ATP6V1A: variants seen among roughly 807,000 people sequenced by gnomAD.
ATP6V1A encodes ATPase H+ transporting V1 subunit A.
In ATP6V1A, 18 loss-of-function variants were observed where a neutral mutation model predicts 70.1. The ratio of observed to expected loss-of-function variants is 0.26; its 90% CI spans 0.18 to 0.38. The LOEUF (loss-of-function observed/expected upper bound fraction) is 0.38, where lower values mean the gene tolerates loss of function less well. Among genes scored for constraint, ATP6V1A ranks in the 10% least tolerant of loss-of-function variants. The pLI is 1.00. For missense variants in ATP6V1A, 424 were observed against 772.4 expected (o/e 0.55, Z 5.35); for synonymous variants, 232 against 253.8 (o/e 0.91, Z 0.82).
intron 1 of ATP6V1A, among the ~76,000 whole-genome samples, chr3:113,763,224 A>G (rs1708726618): frequency 1.3e-5 from 2 of 152,078 alleles, no homozygotes; most frequent in African/African-American, 4.8e-5. Flanking sequence ...AGTAGCTGGG[A>G]CTACAGGCAC....
intron 8 of ATP6V1A, among the ~76,000 whole-genome samples, chr3:113,790,042 G>A (rs1475411495): frequency 5.3e-5 from 8 of 152,104 alleles, no homozygotes; most frequent in Non-Finnish European, 1.0e-4. Flanking sequence ...GGCCCAGGCC[G>A]GCAGATCACT....
At chr3:113,773,095 G>A (rs1352342187) in intron 1 of ATP6V1A, among the ~76,000 whole-genome samples, 3 of 151,758 alleles carry the variant, frequency 2.0e-5, no homozygotes, top group Admixed American at 6.6e-5. Flanking sequence ...GCGACACCAC[G>A]CCCGGCTAAT....
At chr3:113,783,055 A>G (rs140042392) in intron 3 of ATP6V1A, among the ~76,000 whole-genome samples, 3 of 152,192 alleles carry the variant, frequency 2.0e-5, no homozygotes, top group Non-Finnish European at 2.9e-5. Context: ...TGTTGTTCTG[A>G]AAATTTTCAT....
chr3:113,761,263 T>C (rs906389538), intron 1 of ATP6V1A, among the ~76,000 whole-genome samples: 5 of 152,154 alleles, frequency 3.3e-5, no homozygotes, highest in Middle Eastern at 6.8e-3. Context: ...ATAAGTGTAA[T>C]AGCATTTTTA....
chr3:113,753,460 G>A (rs1239569259), intron 1 of ATP6V1A, among the ~76,000 whole-genome samples: 2 of 152,132 alleles, frequency 1.3e-5, no homozygotes, highest in Non-Finnish European at 2.9e-5. Context: ...AGAAATAAAA[G>A]CACCAGTAAG....
rs577357060 is a variant in ATP6V1A, at chr3:113,774,675, A to G, written c.-13-4066A>G. On this transcript the variant is annotated intron_variant, in intron 1 of 14. Coordinates refer to ENST00000273398, the MANE Select transcript of ATP6V1A (RefSeq NM_001690.4). ...CTAAAAATACAAAAATTAGCTGGGC[A>G]TAGTGGCACACACTGTAGTCCCAGC... Among the ~76,000 whole-genome samples, 112 of 152,114 alleles carry G rather than the reference A, an allele frequency of 7.4e-4. 1 individual carries two copies. Among genetic ancestry groups the G allele is most frequent in the African/African-American group, 2.6e-3 (110 of 41,530 alleles).
intron 2 of ATP6V1A, 172 bp from the exon 3 acceptor site, chr3:113,780,878 T>A: frequency 7.7e-7 from 1 of 1,301,426 alleles, no homozygotes; most frequent in Non-Finnish European, 1.0e-6. Flanking sequence ...TATTATACAC[T>A]AAAATATATA....
Position 113,809,321 on chromosome 3 carries a change from A to G in ATP6V1A, c.1762-14A>G. 5 of 1,593,018 alleles carry G rather than the reference A, an allele frequency of 3.1e-6. No homozygotes were observed. Among genetic ancestry groups the G allele is most frequent in the African/African-American group, 1.4e-5 (1 of 73,892 alleles). On this transcript the variant is annotated splice_polypyrimidine_tract_variant and intron_variant, in intron 14 of 14. Coordinates refer to ENST00000273398, the MANE Select transcript of ATP6V1A (RefSeq NM_001690.4). ...TTTCCAAATGCGAGTTGAATTTGTA[A>G]TGTCTTCTTTCAGGATCCACTGAAA...
chr3:113,787,643 A>G (rs917589128), intron 6 of ATP6V1A, among the ~76,000 whole-genome samples: 6 of 152,232 alleles, frequency 3.9e-5, no homozygotes, highest in African/African-American at 1.4e-4. Context: ...CTCCCAGCAT[A>G]AAGGATGTAT....
intron 2 of ATP6V1A, among the ~76,000 whole-genome samples, chr3:113,780,334 G>A (rs1417137516): frequency 6.6e-6 from 1 of 152,108 alleles, no homozygotes; most frequent in African/African-American, 2.4e-5. Context: ...TAAAAATATG[G>A]CAACCTTCCT....
chr3:113,749,988 G>A (rs928794096), intron 1 of ATP6V1A, among the ~76,000 whole-genome samples: 1 of 152,138 alleles, frequency 6.6e-6, no homozygotes, highest in African/African-American at 2.4e-5. Flanking sequence ...TCAAAATATG[G>A]GAGAGAAGGG....
chr3:113,792,921 T>C (rs1421494189), intron 8 of ATP6V1A, among the ~76,000 whole-genome samples: 1 of 152,242 alleles, frequency 6.6e-6, no homozygotes, highest in Non-Finnish European at 1.5e-5. Context: ...CTGTTCAATC[T>C]GTATTTAACA....
chr3:113,779,011 C>A, intron 2 of ATP6V1A, 176 bp downstream of exon 2: 1 of 405,980 alleles, frequency 2.5e-6, no homozygotes. Flanking sequence ...AAGGGCTCAT[C>A]TAGCATTGAT....
chr3:113,784,213 G>A lies in ATP6V1A; in HGVS notation c.212-11G>A. 6.2e-7 allele frequency: 1 copy of A among 1,611,262 alleles called. No homozygotes were observed. Among genetic ancestry groups the A allele is most frequent in the Non-Finnish European group, 8.5e-7 (1 of 1,177,554 alleles). On this transcript the variant is annotated splice_polypyrimidine_tract_variant and intron_variant, in intron 3 of 14. Coordinates refer to ENST00000273398, the MANE Select transcript of ATP6V1A (RefSeq NM_001690.4). ...CCTTCATAGTAGGTTTTCCTTAGCT[G>A]CTGTTTTTAGCTGGTGTGTCTGTTG...
intron 1 of ATP6V1A, among the ~76,000 whole-genome samples, chr3:113,777,840 G>T (rs1708934140): frequency 6.6e-6 from 1 of 152,196 alleles, no homozygotes; most frequent in Admixed American, 6.5e-5. Context: ...AGGCCCTGAG[G>T]TAGAATGTGC....
intron 1 of ATP6V1A, among the ~76,000 whole-genome samples, chr3:113,767,886 C>T (rs979079502): frequency 1.3e-5 from 2 of 152,164 alleles, no homozygotes; most frequent in African/African-American, 4.8e-5. Context: ...CTCCTGATCT[C>T]GTGACCCACT....
intron 1 of ATP6V1A, among the ~76,000 whole-genome samples, chr3:113,767,922 A>T (rs1342654856): frequency 6.6e-6 from 1 of 152,176 alleles, no homozygotes; most frequent in African/African-American, 2.4e-5. Context: ...AAGTGCTGGG[A>T]TGTGAGCCAC....
intron 1 of ATP6V1A, among the ~76,000 whole-genome samples, chr3:113,773,800 A>T (rs145569509): frequency 3.9e-5 from 6 of 152,056 alleles, no homozygotes; most frequent in Non-Finnish European, 8.8e-5. Context: ...ATCCTGCCCA[A>T]CTCTAGGTTA....
At chr3:113,766,495 A>G (rs1042943604) in intron 1 of ATP6V1A, among the ~76,000 whole-genome samples, 2 of 152,074 alleles carry the variant, frequency 1.3e-5, no homozygotes, top group Non-Finnish European at 2.9e-5. Flanking sequence ...AGGTCTCACT[A>G]TGTTACCTAT....
Sources: allele counts gnomAD v4.1 joint callset (sites outside exome capture counted in the v4.1 genomes callset), GRCh38; gene constraint gnomAD v4.1.1; transcripts MANE v1.5; gene names NCBI Gene and HGNC (gene_info 2026-07-23, HGNC 2026-07-21).